The following ZNF430 variants were observed in gnomAD, a reference collection of about 807,000 sequenced individuals.
The protein encoded by ZNF430 is zinc finger protein 430.
A neutral mutation model predicts 56.7 loss-of-function variants in ZNF430; 35 were observed. The ratio of observed to expected loss-of-function variants is 0.62; its 90% CI spans 0.47 to 0.82. The LOEUF (loss-of-function observed/expected upper bound fraction) is 0.82. Among genes scored for constraint, ZNF430 ranks in the 40% least tolerant of loss-of-function variants. The pLI is 0.00. For missense variants in ZNF430, 574 were observed against 661.0 expected, an observed-to-expected ratio of 0.87 and a Z score of 1.44; for synonymous variants, 212 against 224.3, an observed-to-expected ratio of 0.94 and a Z score of 0.49.
chr19:21,056,006 G>C (rs1968368912), intron 4 of ZNF430, among the ~76,000 whole-genome samples: 1 of 152,216 alleles, frequency 6.6e-6, no homozygotes, highest in African/African-American at 2.4e-5. Flanking sequence ...GAAACCAAAA[G>C]TTGGCAGTGG....
At chr19:21,047,034 GT>G (rs1315700698) in intron 4 of ZNF430, among the ~76,000 whole-genome samples, 5 of 152,002 alleles carry the variant, frequency 3.3e-5, no homozygotes, top group Admixed American at 6.6e-5. Flanking sequence ...TCTCATTCCC[GT>G]TTATTCTTTT....
intron 4 of ZNF430, among the ~76,000 whole-genome samples, chr19:21,054,754 A>G (rs565368990): frequency 1.4e-5 from 2 of 139,040 alleles, no homozygotes; most frequent in African/African-American, 5.4e-5. Context: ...CGCTCACTAT[A>G]AGCTCCGCCT....
rs1968401512 is a variant in ZNF430 at position 21,057,516 on chromosome 19, G to A, written c.1208G>A (p.Cys403Tyr). The change falls in exon 5 of 5, where the codon TGT becomes TAT. Residue 403 changes from cysteine (C) to tyrosine (Y), a missense_variant. By Grantham distance (194) the Cys-to-Tyr change is radical. Around this residue, in one of 3 missense-constraint regions of ZNF430, gnomAD observed 213 missense variants for 221.0 expected, o/e 0.96. Coordinates refer to ENST00000261560, the MANE Select transcript of ZNF430 (RefSeq NM_025189.4). The part of the protein sequence containing the change: ...IIHTGEKFYK[C>Y]EECGKGFNWS... ...CATACTGGAGAGAAATTCTACAAAT[G>A]TGAAGAATGTGGCAAAGGCTTTAAT... is the stretch of plus-strand genomic sequence containing the variant. The A allele has an allele frequency of 6.2e-7, 1 of 1,612,880 alleles. No individual in the cohort carries two copies. Among genetic ancestry groups the A allele is most frequent in the South Asian group, 1.1e-5 (1 of 91,020 alleles).
intron 2 of ZNF430, among the ~76,000 whole-genome samples, chr19:21,029,950 C>T (rs894473432): frequency 6.7e-6 from 1 of 148,928 alleles, no homozygotes; most frequent in Non-Finnish European, 1.5e-5. Context: ...GGTGACAGAG[C>T]GAGACTCCAT....
chr19:21,047,610 G>T (rs1968203457), intron 4 of ZNF430, among the ~76,000 whole-genome samples: 1 of 152,146 alleles, frequency 6.6e-6, no homozygotes, highest in South Asian at 2.1e-4. Flanking sequence ...GTTGTGATTT[G>T]CTTGGGATCT....
intron 4 of ZNF430, among the ~76,000 whole-genome samples, chr19:21,039,551 C>G (rs1164879288): frequency 6.6e-6 from 1 of 151,546 alleles, no homozygotes; most frequent in Non-Finnish European, 1.5e-5. Context: ...ACTGCAAACT[C>G]CGCCTCACAG....
Position 21,058,114 on chromosome 19 carries a change from G to A in ZNF430, c.*93G>A, listed in dbSNP as rs1475466541. On this transcript the variant is annotated 3_prime_UTR_variant, in exon 5 of 5. Transcript: ENST00000261560. ...GAACCCTATGAGTGTGAAGAATATG[G>A]CAAAGCCTTCAACAAGTCCTCAATT... 2.5e-6 allele frequency: 3 copies of A among 1,220,122 alleles called. No individual in the cohort carries two copies. Among genetic ancestry groups the A allele is most frequent in the Non-Finnish European group, 3.4e-6 (3 of 882,650 alleles). The allele number at this position is 1,220,122 out of a possible 1,614,324, so 75.6% of individuals were successfully genotyped here.
chr19:21,055,964 A>G (rs1415307865), intron 4 of ZNF430, among the ~76,000 whole-genome samples: 2 of 152,202 alleles, frequency 1.3e-5, no homozygotes, highest in Non-Finnish European at 2.9e-5. Flanking sequence ...ATAAAGATGT[A>G]TGTGGCAGTA....
rs71174785 is a variant in ZNF430, at chr19:21,021,823, A to AT, written c.4-936dup. ...TTTCAAAACGATGCGCCTGAGTTAG[A>AT]TTTTTTTTTTTTTTTTTTTTTTTTT... On this transcript the variant is annotated intron_variant, in intron 1 of 4. Coordinates refer to ENST00000261560, the MANE Select transcript of ZNF430 (RefSeq NM_025189.4). 1.5e-3 allele frequency among the ~76,000 whole-genome samples: 131 copies of AT among 85,702 alleles called. 5 individuals carry two copies. The highest frequency in any genetic ancestry group is 9.6e-3 in the East Asian group (29 of 3,006). 56.2% of individuals were successfully genotyped at this position (85,702 alleles called of 152,430 possible).
At chr19:21,048,164 CTTTTTTTTTTTTTTTTTTTT>C (rs536496163) in intron 4 of ZNF430, among the ~76,000 whole-genome samples, 1 of 59,780 alleles carries the variant, frequency 1.7e-5, no homozygotes, top group Non-Finnish European at 2.9e-5. Context: ...CATAAAACAT[CTTTTTTTTTTTTTTTTTTTT>C]TTTTTTTTTT....
At chr19:21,052,402 A>G (rs187720653) in intron 4 of ZNF430, among the ~76,000 whole-genome samples, 44 of 152,240 alleles carry the variant, frequency 2.9e-4, no homozygotes, top group Admixed American at 2.7e-3. Context: ...TTTATTACAG[A>G]AAGTTGGGTA....
intron 2 of ZNF430, among the ~76,000 whole-genome samples, chr19:21,032,626 T>C (rs370313817): frequency 6.7e-6 from 1 of 149,326 alleles, no homozygotes; most frequent in African/African-American, 2.5e-5. Flanking sequence ...ACTTGGGAGG[T>C]TGAGGCAGGA....
intron 4 of ZNF430, among the ~76,000 whole-genome samples, chr19:21,054,273 A>G: frequency 6.6e-6 from 1 of 152,174 alleles, no homozygotes; most frequent in East Asian, 1.9e-4. Flanking sequence ...GTTTCATTGA[A>G]TAATGTTATT....
At chr19:21,033,751 T>G (rs1967944400) in intron 3 of ZNF430, 169 bp downstream of exon 3, 1 of 818,910 alleles carries the variant, frequency 1.2e-6, no homozygotes. Flanking sequence ...TTCAAGAAGT[T>G]TTATCTTGAC....
chr19:21,038,889 T>C (rs1274179608), intron 4 of ZNF430, among the ~76,000 whole-genome samples: 1 of 152,218 alleles, frequency 6.6e-6, no homozygotes, highest in Non-Finnish European at 1.5e-5. Context: ...TTCACCACTG[T>C]AGGTTGTATT....
At chr19:21,049,432 T>C (rs1423505193) in intron 4 of ZNF430, 1 of 152,130 alleles carries the variant, frequency 6.6e-6, no homozygotes, top group African/African-American at 2.4e-5. Context: ...TATGGTTTTA[T>C]GATGCTGTCT....
Position 21,033,519 on chromosome 19 carries a change from A to G in ZNF430, c.160A>G (p.Thr54Ala), listed in dbSNP as rs187005079. ...FSLEEWQCLD[T>A]AQQDLYRKVM... Reference sequence around the variant, plus strand: ...TCTGGAGGAGTGGCAATGCCTGGACACTGCTCAGCAGGATTTGTATAGAAA... The same window carrying G: ...TCTGGAGGAGTGGCAATGCCTGGACGCTGCTCAGCAGGATTTGTATAGAAA... The change falls in exon 3 of 5, where the codon ACT becomes GCT. Residue 54 changes from threonine to alanine, a missense_variant. Transcript: ENST00000261560. 1.8e-4 allele frequency: 298 copies of G among 1,612,052 alleles called. 1 individual carries two copies. The highest frequency in any genetic ancestry group is 3.3e-4 in the Middle Eastern group (2 of 6,042).
intron 4 of ZNF430, chr19:21,035,472 A>C (rs1967979114): frequency 6.0e-6 from 1 of 168,004 alleles, no homozygotes; most frequent in South Asian, 1.4e-4. Flanking sequence ...CACAAACAGC[A>C]ACTTTTTACT....
At chr19:21,026,883 G>A (rs756569142) in intron 2 of ZNF430, among the ~76,000 whole-genome samples, 101 of 122,530 alleles carry the variant, frequency 8.2e-4, no homozygotes, top group Non-Finnish European at 1.5e-3. Context: ...AGGCTGGAGT[G>A]CAGTGGTGTG....
Sources: allele counts gnomAD v4.1 joint callset (sites outside exome capture counted in the v4.1 genomes callset), GRCh38; gene constraint gnomAD v4.1.1; regional missense constraint gnomAD v4.1.1; transcripts MANE v1.5; gene names NCBI Gene and HGNC (gene_info 2026-07-23, HGNC 2026-07-21).